SLC12A6: variants seen among roughly 807,000 people sequenced by gnomAD.
SLC12A6 encodes K-Cl cotransporter 3.
SLC12A6 carries 66 observed loss-of-function variants against 135.3 expected under a neutral mutation model. The observed-to-expected ratio is 0.49, with a 90% confidence interval of 0.40 to 0.60. The LOEUF (loss-of-function observed/expected upper bound fraction) is 0.60, where lower values mean the gene tolerates loss of function less well. SLC12A6 is among the 20% of genes least tolerant of loss of function. The pLI is 0.00. For missense variants in SLC12A6, 1,058 were observed against 1,452.3 expected (o/e 0.73, Z 4.41); for synonymous variants, 513 against 508.8 (o/e 1.01, Z -0.11).
At chr15:34,333,367 T>C (rs567294669) in intron 2 of SLC12A6, among the ~76,000 whole-genome samples, 5 of 152,038 alleles carry the variant, frequency 3.3e-5, no homozygotes, top group African/African-American at 9.6e-5. Context: ...GCAGCTGGGA[T>C]TACAGGCGCA....
intron 2 of SLC12A6, chr15:34,318,583 C>G: frequency 6.2e-7 from 1 of 1,614,034 alleles, no homozygotes; most frequent in Non-Finnish European, 8.5e-7. Context: ...AATCCTGAAT[C>G]CGGGCTTTTA....
At chr15:34,325,230 T>C (rs1889385072) in intron 2 of SLC12A6, among the ~76,000 whole-genome samples, 2 of 152,230 alleles carry the variant, frequency 1.3e-5, no homozygotes, top group Non-Finnish European at 2.9e-5. Flanking sequence ...AGAAGATGTA[T>C]ACACATTTTC....
At chr15:34,277,782 A>C (rs967246948) in intron 2 of SLC12A6, among the ~76,000 whole-genome samples, 1 of 152,212 alleles carries the variant, frequency 6.6e-6, no homozygotes, top group Non-Finnish European at 1.5e-5. Context: ...ACTAATATGA[A>C]TACCTTGTAT....
chr15:34,304,974 A>G (rs186992494), intron 2 of SLC12A6, among the ~76,000 whole-genome samples: 1 of 152,288 alleles, frequency 6.6e-6, no homozygotes, highest in African/African-American at 2.4e-5. Flanking sequence ...AAATTTTTGT[A>G]TAGTTGTAAC....
chr15:34,323,580 C>T (rs1010264318), intron 2 of SLC12A6, among the ~76,000 whole-genome samples: 5 of 152,170 alleles, frequency 3.3e-5, no homozygotes, highest in Admixed American at 6.5e-5. Context: ...TGCCTGTCCC[C>T]GACCTTAGTC....
In SLC12A6 at chr15:34,236,818, G is replaced by A; in HGVS notation, c.2935-3C>T. 1 of 1,563,540 alleles carries A rather than the reference G, an allele frequency of 6.4e-7. No individual in the cohort carries two copies. Among genetic ancestry groups the A allele is most frequent in the South Asian group, 1.1e-5 (1 of 90,086 alleles). ...TATGCTGATATATCACTGTCATGCT[G>A]CCATAGACATCACATAAAAGGGGCA... On this transcript the variant is annotated splice_polypyrimidine_tract_variant and splice_region_variant and intron_variant, in intron 22 of 25. Coordinates refer to ENST00000354181, the MANE Select transcript of SLC12A6 (RefSeq NM_001365088.1).
chr15:34,248,395 C>CT, intron 13 of SLC12A6, among the ~76,000 whole-genome samples: 1 of 152,036 alleles, frequency 6.6e-6, no homozygotes, highest in East Asian at 1.9e-4. Flanking sequence ...CATAGGTAAG[C>CT]ACATGTTCAA....
At chr15:34,299,161 G>A (rs1452192817) in intron 2 of SLC12A6, among the ~76,000 whole-genome samples, 1 of 150,324 alleles carries the variant, frequency 6.7e-6, no homozygotes, top group South Asian at 2.1e-4. Flanking sequence ...TCTCAGGCTG[G>A]GGGATGATGG....
At chr15:34,276,795 C>A (rs768617245) in intron 2 of SLC12A6, among the ~76,000 whole-genome samples, 123 of 152,232 alleles carry the variant, frequency 8.1e-4, no homozygotes, top group Non-Finnish European at 1.1e-3. Context: ...TTGTTTTAGA[C>A]AAAATCCATA....
At chr15:34,326,240 G>C (rs533406298) in intron 2 of SLC12A6, among the ~76,000 whole-genome samples, 2 of 152,256 alleles carry the variant, frequency 1.3e-5, no homozygotes, top group East Asian at 3.9e-4. Context: ...CCCAACCAAA[G>C]AGGGTAGCAC....
At chr15:34,297,265 T>C (rs1895937306) in intron 2 of SLC12A6, among the ~76,000 whole-genome samples, 1 of 152,190 alleles carries the variant, frequency 6.6e-6, no homozygotes, top group African/African-American at 2.4e-5. Flanking sequence ...ATGGCAAGCA[T>C]GCTGGTATTT....
chr15:34,235,225 A>G lies in SLC12A6; in HGVS notation c.3317T>C (p.Leu1106Ser). ...GTTTCGGGGTGGCCCTGGCATATTC[A>G]ATAAAACCAGCTTTGCTTCATGGGA... ...NKSHEAKLVL[L>S]NMPGPPRNPE... The change falls in exon 25 of 26, where the codon TTG becomes TCG. Residue 1106 changes from leucine (L) to serine (S), a missense_variant. By Grantham distance (145) the Leu-to-Ser change is moderately radical. Around this residue, in one of 6 missense-constraint regions of SLC12A6, gnomAD observed 245 missense variants for 440.8 expected, o/e 0.56. Coordinates refer to ENST00000354181, the MANE Select transcript of SLC12A6 (RefSeq NM_001365088.1). 4 of 1,614,000 alleles carry G rather than the reference A, an allele frequency of 2.5e-6. No homozygotes were observed. Among genetic ancestry groups the G allele is most frequent in the Non-Finnish European group, 3.4e-6 (4 of 1,179,858 alleles).
At position 34,281,542 on chromosome 15, in the gene SLC12A6, C is replaced by T. The variant is rs549668587; in HGVS notation, c.272-6153G>A. 3.3e-5 allele frequency among the ~76,000 whole-genome samples: 5 copies of T among 151,734 alleles called. No individual in the cohort carries two copies. The South Asian group carries it at 6.2e-4, about 19-fold the overall frequency. Reference sequence around the variant, plus strand: ...CAGTGGCTCACGCCTGTAATCCTGGCGCCTTGGGAGGCCGAGGCGAGTGGA... The same window carrying T: ...CAGTGGCTCACGCCTGTAATCCTGGTGCCTTGGGAGGCCGAGGCGAGTGGA... On this transcript the variant is annotated intron_variant, in intron 2 of 25. Transcript: ENST00000354181.
At chr15:34,294,024 A>C (rs1211909240) in intron 2 of SLC12A6, among the ~76,000 whole-genome samples, 2 of 152,248 alleles carry the variant, frequency 1.3e-5, no homozygotes, top group East Asian at 1.9e-4. Context: ...TTAATTCACC[A>C]ATCATTTTGT....
chr15:34,238,574 T>C (rs142557122), intron 20 of SLC12A6, 173 bp from the exon 21 acceptor site: 1 of 659,710 alleles, frequency 1.5e-6, no homozygotes, highest in Admixed American at 2.3e-5. Flanking sequence ...TCTGAATAGC[T>C]AACAGACTGA....
chr15:34,281,440 T>A (rs772337226), intron 2 of SLC12A6, among the ~76,000 whole-genome samples: 2 of 152,114 alleles, frequency 1.3e-5, no homozygotes, highest in Non-Finnish European at 2.9e-5. Context: ...TATTCTAAAT[T>A]TATAGCAATG....
Position 34,230,491 on chromosome 15 carries a change from T to A in SLC12A6, c.*3390A>T, listed in dbSNP as rs1055649737. 6.6e-6 allele frequency: 1 copy of A among 152,624 alleles called. No homozygotes were observed. Among genetic ancestry groups the A allele is most frequent in the Non-Finnish European group, 1.5e-5 (1 of 68,060 alleles). The allele number at this position is 152,624 out of a possible 1,614,324, so 9.5% of individuals were successfully genotyped here. A position where few individuals can be genotyped will look rare whatever the true frequency, so the allele number is the denominator to read the frequency against. On this transcript the variant is annotated 3_prime_UTR_variant, in exon 26 of 26. Coordinates refer to ENST00000354181, the MANE Select transcript of SLC12A6 (RefSeq NM_001365088.1). The stretch of plus-strand genomic sequence containing the variant: ...AGGAACCTGGCACCTGTCAAGCAGA[T>A]GCTGCAGTTCAAACTTCAGCTTTTA...
At chr15:34,326,712 T>G (rs1352727275) in intron 2 of SLC12A6, among the ~76,000 whole-genome samples, 2 of 143,936 alleles carry the variant, frequency 1.4e-5, no homozygotes, top group Admixed American at 7.0e-5. Context: ...TTTTTTTTGA[T>G]ACAGGGTCTT....
Position 34,241,269 on chromosome 15 carries a change from C to A in SLC12A6, c.2231G>T (p.Arg744Leu). 6.2e-7 allele frequency: 1 copy of A among 1,609,414 alleles called. No individual in the cohort carries two copies. Among genetic ancestry groups the A allele is most frequent in the Non-Finnish European group, 8.5e-7 (1 of 1,175,748 alleles). Residue 744 changes from arginine (R) to leucine (L), a missense_variant, in exon 18 of 26, where the codon CGA (arginine) becomes CTA (leucine). Physicochemically the swap from Arg to Leu is moderately radical, Grantham distance 102 (BLOSUM62 -2). Transcript: ENST00000354181. ...AGTGTGTGGAGGTCCTTCCTCCAAT[C>A]GAAGCAAAGCAAACCGGGCTGCACT... ...SLSAARFALL[R>L]LEEGPPHTKN...
Sources: allele counts gnomAD v4.1 joint callset (sites outside exome capture counted in the v4.1 genomes callset), GRCh38; gene constraint gnomAD v4.1.1; regional missense constraint gnomAD v4.1.1; transcripts MANE v1.5; gene names NCBI Gene and HGNC (gene_info 2026-07-23, HGNC 2026-07-21).